Variants in CTDSPL observed in about 807,000 individuals in gnomAD.
CTDSPL encodes CTD small phosphatase like.
A neutral mutation model predicts 30.5 loss-of-function variants in CTDSPL; 8 were observed. That is an observed-to-expected ratio of 0.26 (90% CI 0.15 to 0.47). The LOEUF is 0.47. Ranked by LOEUF, CTDSPL falls within the 20% of genes least tolerant of loss-of-function variation. The pLI is 0.99. For missense variants in CTDSPL, 248 were observed against 366.1 expected, an observed-to-expected ratio of 0.68 and a Z score of 2.63; for synonymous variants, 110 against 137.9, an observed-to-expected ratio of 0.80 and a Z score of 1.42.
chr3:37,921,607 C>CCACACACACACACA (rs58395906), intron 1 of CTDSPL, among the ~76,000 whole-genome samples: 16 of 147,746 alleles, frequency 1.1e-4, no homozygotes, highest in African/African-American at 4.0e-4. Context: ...ACCCTAACTA[C>CCACACACACACACA]CACACACACA....
intron 7 of CTDSPL, among the ~76,000 whole-genome samples, chr3:37,979,445 T>C (rs1699465218): frequency 6.6e-6 from 1 of 151,680 alleles, no homozygotes; most frequent in East Asian, 1.9e-4. Context: ...TCTACTAAAA[T>C]ACAAAAACTA....
At chr3:37,917,134 C>T (rs908625497) in intron 1 of CTDSPL, among the ~76,000 whole-genome samples, 4 of 152,192 alleles carry the variant, frequency 2.6e-5, no homozygotes, top group Non-Finnish European at 5.9e-5. Context: ...TCTGTTCATT[C>T]ATTTGTTCAG....
intron 7 of CTDSPL, among the ~76,000 whole-genome samples, chr3:37,977,296 G>A (rs992750108): frequency 2.0e-5 from 3 of 152,158 alleles, no homozygotes; most frequent in South Asian, 2.1e-4. Flanking sequence ...GAAGTGTTGT[G>A]CATTTGGAGT....
chr3:37,885,514 A>G (rs768504540), intron 1 of CTDSPL, among the ~76,000 whole-genome samples: 3 of 152,180 alleles, frequency 2.0e-5, no homozygotes, highest in Non-Finnish European at 4.4e-5. Context: ...GAAGAGACCT[A>G]GTAGTGTCGT....
chr3:37,915,049 C>T lies in CTDSPL; in HGVS notation c.80-32008C>T, dbSNP rs535148469. 8.5e-4 allele frequency among the ~76,000 whole-genome samples: 129 copies of T among 151,404 alleles called. 1 individual carries two copies. Among genetic ancestry groups the T allele is most frequent in the Non-Finnish European group, 1.3e-3 (88 of 67,900 alleles). On this transcript the variant is annotated intron_variant, in intron 1 of 7. Coordinates refer to ENST00000273179, the MANE Select transcript of CTDSPL (RefSeq NM_001008392.2). ...ACAGGCATGAGCTGCCATGCCCAGC[C>T]AGTGTTATTTTCTTTCCCAAGAGTT...
intron 1 of CTDSPL, among the ~76,000 whole-genome samples, chr3:37,895,197 G>A (rs930013800): frequency 1.3e-5 from 2 of 152,066 alleles, no homozygotes; most frequent in South Asian, 2.1e-4. Context: ...GTGAGGGGTC[G>A]TTGTTTATTA....
At position 37,984,258 on chromosome 3, in the gene CTDSPL, G is replaced by A. The variant is rs1182398805; in HGVS notation, c.*3391G>A. 2.2e-6 allele frequency: 1 copy of A among 450,482 alleles called. No homozygotes were observed. The highest frequency in any genetic ancestry group is 1.6e-5 in the South Asian group (1 of 64,106). 27.9% of individuals were successfully genotyped at this position (450,482 alleles called of 1,614,324 possible). On this transcript the variant is annotated 3_prime_UTR_variant, in exon 8 of 8. Transcript: ENST00000273179. ...GTTCCATTCTCCCAGGAGCTTCTCTGCAGACTGACACACCCTCCCCCACCC... is the reference window on the plus strand; with the variant it reads ...GTTCCATTCTCCCAGGAGCTTCTCTACAGACTGACACACCCTCCCCCACCC...
chr3:37,982,125 T>A lies in CTDSPL; in HGVS notation c.*1258T>A, dbSNP rs1172371029. The A allele has an allele frequency of 3.1e-6, 1 of 325,314 alleles. No homozygotes were observed. Among genetic ancestry groups the A allele is most frequent in the Non-Finnish European group, 6.1e-6 (1 of 164,928 alleles). The allele number at this position is 325,314 out of a possible 1,614,324, so 20.2% of individuals were successfully genotyped here. ...GCAGTCAGTATCAGATCCTGTTTGA[T>A]AAATAAGCTGACTGTTCTCTCTTGA... On this transcript the variant is annotated 3_prime_UTR_variant, in exon 8 of 8. Coordinates refer to ENST00000273179, the MANE Select transcript of CTDSPL (RefSeq NM_001008392.2).
At chr3:37,936,926 CTCT>C (rs1698923452) in intron 1 of CTDSPL, among the ~76,000 whole-genome samples, 1 of 151,096 alleles carries the variant, frequency 6.6e-6, no homozygotes, top group Non-Finnish European at 1.5e-5. Flanking sequence ...CTTAGTTCTG[CTCT>C]TGTGATGAGA....
intron 1 of CTDSPL, among the ~76,000 whole-genome samples, chr3:37,945,808 C>T (rs1699028981): frequency 6.6e-6 from 1 of 152,192 alleles, no homozygotes; most frequent in Admixed American, 6.5e-5. Context: ...TGTGGAGTTG[C>T]TGGAATAACA....
intron 1 of CTDSPL, among the ~76,000 whole-genome samples, chr3:37,887,260 C>T (rs1698273981): frequency 6.6e-6 from 1 of 152,164 alleles, no homozygotes; most frequent in South Asian, 2.1e-4. Context: ...TTTGTGAGCA[C>T]CTTCTGAAGT....
At chr3:37,907,006 G>T (rs1157495391) in intron 1 of CTDSPL, among the ~76,000 whole-genome samples, 1 of 152,158 alleles carries the variant, frequency 6.6e-6, no homozygotes. Context: ...TTGTGGTAGG[G>T]GTCACAGCTA....
intron 1 of CTDSPL, among the ~76,000 whole-genome samples, chr3:37,863,505 T>C (rs1262987322): frequency 6.6e-6 from 1 of 152,236 alleles, no homozygotes; most frequent in Non-Finnish European, 1.5e-5. Flanking sequence ...TTCTGGTGAC[T>C]AAAGCTTGCC....
In CTDSPL at chr3:37,982,013, C is replaced by G. The variant is rs1699497957; in HGVS notation, c.*1146C>G. 1 of 408,972 alleles carries G rather than the reference C, an allele frequency of 2.4e-6. No individual in the cohort carries two copies. Among genetic ancestry groups the G allele is most frequent in the Non-Finnish European group, 4.9e-6 (1 of 202,080 alleles). 25.3% of individuals were successfully genotyped at this position (408,972 alleles called of 1,614,324 possible). A position where few individuals can be genotyped will look rare whatever the true frequency, so the allele number is the denominator to read the frequency against. On this transcript the variant is annotated 3_prime_UTR_variant, in exon 8 of 8. Coordinates refer to ENST00000273179, the MANE Select transcript of CTDSPL (RefSeq NM_001008392.2). Reference sequence around the variant, plus strand: ...CCCATCCCATTGCAGCCTCCACCACCTGTAACCCCTTCCTGGCATTGGCCA... The same window carrying G: ...CCCATCCCATTGCAGCCTCCACCACGTGTAACCCCTTCCTGGCATTGGCCA...
intron 7 of CTDSPL, among the ~76,000 whole-genome samples, chr3:37,977,054 T>G (rs1220998106): frequency 6.6e-6 from 1 of 152,228 alleles, no homozygotes; most frequent in Non-Finnish European, 1.5e-5. Context: ...CAAACTCAAT[T>G]AATTTGGCTA....
chr3:37,971,191 C>T (rs766548552), intron 5 of CTDSPL, among the ~76,000 whole-genome samples: 3 of 152,322 alleles, frequency 2.0e-5, no homozygotes, highest in South Asian at 2.1e-4. Context: ...TTAGGAGGGG[C>T]GTCTGCAGTG....
intron 2 of CTDSPL, among the ~76,000 whole-genome samples, chr3:37,955,410 G>C (rs1699159629): frequency 6.6e-6 from 1 of 152,154 alleles, no homozygotes; most frequent in African/African-American, 2.4e-5. Context: ...CTGGGTGACA[G>C]AGCAAGACCC....
At chr3:37,957,034 G>T in intron 2 of CTDSPL, 77 bp from the exon 3 acceptor site, 1 of 1,179,328 alleles carries the variant, frequency 8.5e-7, no homozygotes, top group South Asian at 1.3e-5. Flanking sequence ...CTGTGCTCAA[G>T]AGGGCTTTGA....
At chr3:37,874,917 A>G (rs1158304113) in intron 1 of CTDSPL, among the ~76,000 whole-genome samples, 1 of 152,136 alleles carries the variant, frequency 6.6e-6, no homozygotes, top group Non-Finnish European at 1.5e-5. Context: ...TACTTTGCAG[A>G]TTTGAAATCT....
Sources: gnomAD v4.1 joint callset for allele counts (sites outside exome capture counted in the v4.1 genomes callset) on GRCh38, gnomAD v4.1.1 for gene constraint, MANE v1.5 for transcripts, NCBI Gene and HGNC (gene_info 2026-07-23, HGNC 2026-07-21) for gene names.